Variants in ADGRL3 observed in about 807,000 individuals in gnomAD.
ADGRL3 encodes the protein calcium-independent alpha-latrotoxin receptor 3.
In ADGRL3, 62 loss-of-function variants were observed where a neutral mutation model predicts 153.5. The observed-to-expected ratio is 0.40, with a 90% CI of 0.33 to 0.50. The LOEUF is 0.50. Ranked by LOEUF, ADGRL3 falls within the 20% of genes least tolerant of loss-of-function variation. The pLI is 0.47. For missense variants in ADGRL3, 1,641 were observed against 1,859.4 expected (o/e 0.88, Z 2.16); for synonymous variants, 710 against 672.5 (o/e 1.06, Z -0.86).
chr4:61,462,812 G>A (rs1240149595), intron 2 of ADGRL3, among the ~76,000 whole-genome samples: 1 of 152,096 alleles, frequency 6.6e-6, no homozygotes, highest in Non-Finnish European at 1.5e-5. Context: ...GTGTGTAATG[G>A]ATATACAGTA....
chr4:61,823,604 A>T (rs2097774624), intron 9 of ADGRL3, among the ~76,000 whole-genome samples: 1 of 152,206 alleles, frequency 6.6e-6, no homozygotes, highest in Non-Finnish European at 1.5e-5. Flanking sequence ...GTGAATGAGA[A>T]AACTGAGACA....
intron 1 of ADGRL3, among the ~76,000 whole-genome samples, chr4:61,257,613 T>C (rs2092097493): frequency 6.6e-6 from 1 of 152,154 alleles, no homozygotes; most frequent in East Asian, 1.9e-4. Context: ...TAGTGCAGTT[T>C]TTAAAGACAA....
At chr4:61,812,105 G>T (rs1580947555) in intron 8 of ADGRL3, among the ~76,000 whole-genome samples, 1 of 152,138 alleles carries the variant, frequency 6.6e-6, no homozygotes, top group East Asian at 1.9e-4. Flanking sequence ...ATGTTACATA[G>T]GACAAGAGGT....
chr4:61,402,354 C>A lies in ADGRL3; in HGVS notation c.-174+19165C>A, dbSNP rs774647961. 1.3e-3 allele frequency among the ~76,000 whole-genome samples: 196 copies of A among 152,144 alleles called. 4 individuals are homozygous for A. Among genetic ancestry groups the A allele is most frequent in the Middle Eastern group, 6.8e-3 (2 of 294 alleles). Reference sequence around the variant, plus strand: ...TTTAAAAATTATTCTTTGCTTCCACCAATGATTTAATCATTTGATGATCCA... The same window carrying A: ...TTTAAAAATTATTCTTTGCTTCCACAAATGATTTAATCATTTGATGATCCA... On this transcript the variant is annotated intron_variant, in intron 2 of 26. Transcript: ENST00000683033.
intron 3 of ADGRL3, among the ~76,000 whole-genome samples, chr4:61,503,704 T>C (rs1388403201): frequency 4.6e-5 from 7 of 152,122 alleles, no homozygotes; most frequent in African/African-American, 7.2e-5. Flanking sequence ...AAAATTTCAA[T>C]TTTAAGTAAA....
chr4:61,688,564 G>T (rs2095486478), intron 6 of ADGRL3, among the ~76,000 whole-genome samples: 1 of 152,128 alleles, frequency 6.6e-6, no homozygotes, highest in Non-Finnish European at 1.5e-5. Flanking sequence ...GAAATGCTCA[G>T]TCTCTCATAG....
intron 1 of ADGRL3, among the ~76,000 whole-genome samples, chr4:61,336,930 C>T (rs563145859): frequency 6.6e-6 from 1 of 151,062 alleles, no homozygotes; most frequent in Non-Finnish European, 1.5e-5. Flanking sequence ...CATGCAGTCA[C>T]CACTCTGTTC....
chr4:61,294,186 G>C (rs762813866), intron 1 of ADGRL3, among the ~76,000 whole-genome samples: 1 of 152,154 alleles, frequency 6.6e-6, no homozygotes, highest in African/African-American at 2.4e-5. Context: ...GCAGCTCCCA[G>C]TCAGCCCTGC....
At chr4:61,715,750 C>T (rs1352366975) in intron 6 of ADGRL3, among the ~76,000 whole-genome samples, 1 of 151,830 alleles carries the variant, frequency 6.6e-6, no homozygotes, top group Non-Finnish European at 1.5e-5. Context: ...ACTCTATTGC[C>T]ATAACTAAGG....
chr4:61,709,520 G>A lies in ADGRL3; in HGVS notation c.584-21102G>A, dbSNP rs544934394. ...TTTATAAGCATCACAATAAGCCAAGGAGGTAGAGATCTTTATTATATTTTT... is the reference window on the plus strand; with the variant it reads ...TTTATAAGCATCACAATAAGCCAAGAAGGTAGAGATCTTTATTATATTTTT... On this transcript the variant is annotated intron_variant, in intron 6 of 26. Transcript: ENST00000683033. Among the ~76,000 whole-genome samples the A allele has an allele frequency of 1.1e-3, 164 of 152,240 alleles. 1 individual carries two copies. Among genetic ancestry groups the A allele is most frequent in the Non-Finnish European group, 2.0e-3 (135 of 68,028 alleles).
At chr4:61,926,753 T>C (rs1431657274) in intron 13 of ADGRL3, among the ~76,000 whole-genome samples, 2 of 152,210 alleles carry the variant, frequency 1.3e-5, no homozygotes, top group Non-Finnish European at 2.9e-5. Context: ...TTACCTTACA[T>C]GTTTTTTCAG....
chr4:61,591,455 T>G (rs1478074527), intron 5 of ADGRL3, among the ~76,000 whole-genome samples: 1 of 152,128 alleles, frequency 6.6e-6, no homozygotes, highest in East Asian at 1.9e-4. Flanking sequence ...ATGTTTATCT[T>G]CAATGTATTA....
chr4:61,985,333 T>G (rs2099081502), intron 19 of ADGRL3, among the ~76,000 whole-genome samples: 1 of 152,044 alleles, frequency 6.6e-6, no homozygotes, highest in Non-Finnish European at 1.5e-5. Flanking sequence ...AAGGTACATT[T>G]TGAAGCAGAG....
At chr4:62,004,972 T>C (rs2099152726) in intron 21 of ADGRL3, among the ~76,000 whole-genome samples, 1 of 152,122 alleles carries the variant, frequency 6.6e-6, no homozygotes, top group African/African-American at 2.4e-5. Context: ...GCAATCCAAG[T>C]GTATTTAAAG....
Position 61,523,640 on chromosome 4 carries a change from T to A in ADGRL3, c.259+6122T>A, listed in dbSNP as rs182782087. Among the ~76,000 whole-genome samples the A allele has an allele frequency of 2.6e-5, 4 of 152,222 alleles. No individual in the cohort carries two copies. The East Asian group carries it at 5.8e-4, about 22-fold the overall frequency. The stretch of plus-strand genomic sequence containing the variant: ...ATAGGTCAGTTATTGAGATTTTTTT[T>A]AAATGCTTGGTAGCCCTAAAGATAA... On this transcript the variant is annotated intron_variant, in intron 4 of 26. Coordinates refer to ENST00000683033, the MANE Select transcript of ADGRL3 (RefSeq NM_001387552.1).
chr4:61,856,019 AC>A (rs1382785702), intron 9 of ADGRL3, among the ~76,000 whole-genome samples: 1 of 152,138 alleles, frequency 6.6e-6, no homozygotes, highest in Admixed American at 6.5e-5. Context: ...GTCTCACCAT[AC>A]CGAAAGAGTT....
intron 6 of ADGRL3, among the ~76,000 whole-genome samples, chr4:61,717,151 C>A (rs2096133023): frequency 6.6e-6 from 1 of 150,880 alleles, no homozygotes; most frequent in Non-Finnish European, 1.5e-5. Flanking sequence ...ATGTGTGTAT[C>A]ATTTTTTTTG....
intron 1 of ADGRL3, among the ~76,000 whole-genome samples, chr4:61,326,289 A>T (rs895136692): frequency 6.6e-6 from 1 of 152,090 alleles, no homozygotes; most frequent in Admixed American, 6.6e-5. Flanking sequence ...ATCTAGACAT[A>T]TATTCACATC....
At chr4:61,924,135 A>G (rs957052446) in intron 13 of ADGRL3, among the ~76,000 whole-genome samples, 2 of 152,000 alleles carry the variant, frequency 1.3e-5, no homozygotes, top group Non-Finnish European at 2.9e-5. Flanking sequence ...CTGCTAAACC[A>G]ATGGTCGGTA....
Sources: allele counts gnomAD v4.1 joint callset (sites outside exome capture counted in the v4.1 genomes callset), GRCh38; gene constraint gnomAD v4.1.1; transcripts MANE v1.5; gene names NCBI Gene and HGNC (gene_info 2026-07-23, HGNC 2026-07-21).